TENM2: variants seen among roughly 807,000 people sequenced by gnomAD.
TENM2 encodes the protein teneurin transmembrane protein 2.
TENM2 carries 52 observed loss-of-function variants against 245.2 expected under a neutral mutation model. The ratio of observed to expected loss-of-function variants is 0.21; its 90% CI spans 0.17 to 0.27. The LOEUF (loss-of-function observed/expected upper bound fraction) is 0.27. Among genes scored for constraint, TENM2 ranks in the 10% least tolerant of loss-of-function variants. The probability of loss-of-function intolerance (pLI) is 1.00; values close to 1 mark genes in which losing one functional copy is unlikely to be tolerated. For synonymous variants in TENM2, 1,363 were observed against 1,438.9 expected (o/e 0.95, Z 1.19); for missense variants, 3,046 against 3,666.8 (o/e 0.83, Z 4.37).
the TENM2 span, among the ~76,000 whole-genome samples, chr5:167,106,518 A>G: frequency 6.6e-6 from 1 of 152,360 alleles, no homozygotes; most frequent in South Asian, 2.1e-4. Flanking sequence ...TTGGAATCAA[A>G]AAGTTTCTGA....
intron 9 of TENM2, among the ~76,000 whole-genome samples, chr5:168,112,464 A>G (rs1459218317): frequency 2.0e-5 from 3 of 152,060 alleles, no homozygotes; most frequent in Non-Finnish European, 4.4e-5. Flanking sequence ...TTATGAGAAT[A>G]TACAATATTT....
intron 9 of TENM2, among the ~76,000 whole-genome samples, chr5:168,109,227 A>G (rs762391661): frequency 2.0e-4 from 30 of 152,214 alleles, no homozygotes; most frequent in Non-Finnish European, 3.7e-4. Flanking sequence ...GCCCAGAAGC[A>G]GGAGCTTGAA....
intron 5 of TENM2, among the ~76,000 whole-genome samples, chr5:167,996,581 C>A (rs1784066113): frequency 6.6e-6 from 1 of 152,140 alleles, no homozygotes; most frequent in African/African-American, 2.4e-5. Context: ...GTTTCTGAAT[C>A]ATGTAACCAA....
intron 4 of TENM2, among the ~76,000 whole-genome samples, chr5:167,982,821 C>T (rs1271489425): frequency 2.0e-5 from 3 of 152,148 alleles, no homozygotes; most frequent in African/African-American, 7.2e-5. Flanking sequence ...AGAAACAAGA[C>T]AAAAACAAAT....
At chr5:167,678,255 G>A (rs994534078) in intron 2 of TENM2, among the ~76,000 whole-genome samples, 3 of 151,990 alleles carry the variant, frequency 2.0e-5, no homozygotes, top group African/African-American at 7.2e-5. Flanking sequence ...ATTAACATAT[G>A]TTATATTTGT....
At chr5:167,404,938 T>G (rs996509236) in intron 2 of TENM2, among the ~76,000 whole-genome samples, 6 of 152,054 alleles carry the variant, frequency 3.9e-5, no homozygotes, top group African/African-American at 1.4e-4. Context: ...TCATTCCCAT[T>G]CCCCTCCACA....
the TENM2 span, among the ~76,000 whole-genome samples, chr5:166,995,571 T>C: frequency 6.6e-6 from 1 of 152,026 alleles, no homozygotes; most frequent in Non-Finnish European, 1.5e-5. Flanking sequence ...CATAAATGGT[T>C]GAATGAGTTA....
At chr5:167,947,483 G>A (rs952495369) in intron 3 of TENM2, among the ~76,000 whole-genome samples, 1 of 152,084 alleles carries the variant, frequency 6.6e-6, no homozygotes, top group Non-Finnish European at 1.5e-5. Context: ...GGCCAAGCAG[G>A]GATTCAAGCC....
chr5:167,053,661 A>C, the TENM2 span, among the ~76,000 whole-genome samples: 1 of 152,206 alleles, frequency 6.6e-6, no homozygotes, highest in East Asian at 1.9e-4. Flanking sequence ...ACTTGACTTT[A>C]GGAGTTTGAG....
chr5:167,734,962 A>T (rs1194540550), intron 2 of TENM2, among the ~76,000 whole-genome samples: 1 of 152,208 alleles, frequency 6.6e-6, no homozygotes, highest in African/African-American at 2.4e-5. Context: ...TGAAAATGCC[A>T]GTCAAACAGG....
chr5:167,613,402 T>A (rs1777596682), intron 2 of TENM2, among the ~76,000 whole-genome samples: 1 of 152,162 alleles, frequency 6.6e-6, no homozygotes, highest in South Asian at 2.1e-4. Flanking sequence ...ATTACCAGTA[T>A]CTTGCTCGTT....
At chr5:167,880,002 T>A (rs1343110359) in intron 3 of TENM2, among the ~76,000 whole-genome samples, 4 of 152,188 alleles carry the variant, frequency 2.6e-5, no homozygotes, top group Non-Finnish European at 5.9e-5. Context: ...TCATTCCTTT[T>A]TTGCACCTCC....
intron 12 of TENM2, among the ~76,000 whole-genome samples, chr5:168,137,730 C>T (rs1285490244): frequency 6.6e-6 from 1 of 152,220 alleles, no homozygotes; most frequent in East Asian, 1.9e-4. Context: ...GAGAAACTAG[C>T]TTTTTCCTAT....
chr5:167,727,916 C>A (rs1193668862), intron 2 of TENM2, among the ~76,000 whole-genome samples: 1 of 152,086 alleles, frequency 6.6e-6, no homozygotes, highest in African/African-American at 2.4e-5. Flanking sequence ...ATAAATATTA[C>A]CATTATTTTT....
chr5:168,033,837 A>C (rs1272501658), intron 5 of TENM2, among the ~76,000 whole-genome samples: 1 of 151,178 alleles, frequency 6.6e-6, no homozygotes, highest in African/African-American at 2.4e-5. Context: ...GACCAGCCTG[A>C]CCAACATGGT....
intron 2 of TENM2, among the ~76,000 whole-genome samples, chr5:167,872,567 AAAG>A (rs1773072346): frequency 7.2e-5 from 4 of 55,346 alleles, no homozygotes; most frequent in Non-Finnish European, 2.2e-4. Context: ...AGAAAGAAAG[AAAG>A]AAAGAAAGAA....
At chr5:167,260,606 A>G in the TENM2 span, among the ~76,000 whole-genome samples, 1 of 152,210 alleles carries the variant, frequency 6.6e-6, no homozygotes, top group Admixed American at 6.5e-5. Flanking sequence ...GAATCATTTC[A>G]TTATCAAGCA....
chr5:167,924,374 T>C (rs1403610422), intron 3 of TENM2, among the ~76,000 whole-genome samples: 1 of 152,222 alleles, frequency 6.6e-6, no homozygotes, highest in East Asian at 1.9e-4. Flanking sequence ...AGGATGCCCA[T>C]TGATGGGCCA....
chr5:168,113,630 G>A (rs910104408), intron 9 of TENM2, among the ~76,000 whole-genome samples: 6 of 151,800 alleles, frequency 4.0e-5, no homozygotes, highest in South Asian at 4.2e-4. Context: ...CTGGGAGGGC[G>A]GGGGAGCTTC....
Sources: gnomAD v4.1 joint callset for allele counts (sites outside exome capture counted in the v4.1 genomes callset) on GRCh38, gnomAD v4.1.1 for gene constraint, MANE v1.5 for transcripts, NCBI Gene and HGNC (gene_info 2026-07-23, HGNC 2026-07-21) for gene names.